The following SOS2 variants were observed in gnomAD, a reference collection of about 807,000 sequenced individuals.
SOS2 encodes son of sevenless homolog 2.
A neutral mutation model predicts 148.2 loss-of-function variants in SOS2; 65 were observed. The ratio of observed to expected loss-of-function variants is 0.44; its 90% confidence interval spans 0.36 to 0.54. The LOEUF (loss-of-function observed/expected upper bound fraction) is 0.54, where lower values mean the gene tolerates loss of function less well. SOS2 is among the 20% of genes least tolerant of loss of function. The pLI, the probability that SOS2 is intolerant of heterozygous loss-of-function variation, is 0.00. For synonymous variants in SOS2, 539 were observed against 537.1 expected (o/e 1.00, Z -0.05); for missense variants, 1,341 against 1,590.2 (o/e 0.84, Z 2.67).
intron 4 of SOS2, among the ~76,000 whole-genome samples, chr14:50,198,379 T>C (rs1049543071): frequency 6.6e-6 from 1 of 152,180 alleles, no homozygotes; most frequent in Non-Finnish European, 1.5e-5. Flanking sequence ...TAGCCATAAT[T>C]TTGTAAGTCA....
At chr14:50,168,818 C>T (rs1040038055) in intron 8 of SOS2, among the ~76,000 whole-genome samples, 2 of 152,130 alleles carry the variant, frequency 1.3e-5, no homozygotes, top group Non-Finnish European at 2.9e-5. Context: ...TAGTAGAAAA[C>T]ACAATCCTGG....
At chr14:50,135,626 T>C (rs1239870966) in intron 18 of SOS2, among the ~76,000 whole-genome samples, 1 of 146,958 alleles carries the variant, frequency 6.8e-6, no homozygotes, top group African/African-American at 2.5e-5. Flanking sequence ...CAATTAACTT[T>C]TTTCAATGTG....
intron 5 of SOS2, among the ~76,000 whole-genome samples, chr14:50,182,877 A>G (rs1323698392): frequency 1.3e-5 from 2 of 152,178 alleles, no homozygotes; most frequent in Non-Finnish European, 2.9e-5. Context: ...CACCAAATAC[A>G]TCATTTAATT....
At chr14:50,124,016 G>A (rs1289662504) in intron 21 of SOS2, among the ~76,000 whole-genome samples, 1 of 152,076 alleles carries the variant, frequency 6.6e-6, no homozygotes, top group East Asian at 1.9e-4. Context: ...TGGAGATGAG[G>A]AGGCAGTGAG....
rs1248781588 is a variant in SOS2, at chr14:50,169,814, C to G, written c.1068+4640G>C. On this transcript the variant is annotated intron_variant, in intron 8 of 22. Coordinates refer to ENST00000216373, the MANE Select transcript of SOS2 (RefSeq NM_006939.4). ...CATGGCAGATATATAGAATATATAT[C>G]TATAATATATTCACTTTATAGATAA... Among the ~76,000 whole-genome samples the G allele has an allele frequency of 9.9e-5, 15 of 151,734 alleles. 2 individuals are homozygous for G. Among genetic ancestry groups the G allele is most frequent in the Admixed American group, 9.2e-4 (14 of 15,210 alleles).
chr14:50,205,734 C>A (rs1444068222), intron 1 of SOS2, among the ~76,000 whole-genome samples: 1 of 152,012 alleles, frequency 6.6e-6, no homozygotes, highest in Non-Finnish European at 1.5e-5. Flanking sequence ...AAGTTTGAGA[C>A]CAGCCTGGCC....
intron 3 of SOS2, 43 bp downstream of exon 3, chr14:50,200,910 G>A: frequency 6.3e-7 from 1 of 1,578,164 alleles, no homozygotes; most frequent in African/African-American, 1.4e-5. Context: ...AATATTACTT[G>A]TTATAAAGAA....
At chr14:50,158,312 T>C (rs987727733) in intron 11 of SOS2, among the ~76,000 whole-genome samples, 3 of 152,238 alleles carry the variant, frequency 2.0e-5, no homozygotes, top group South Asian at 2.1e-4. Context: ...TTCATTAAAA[T>C]ATAGTGCTTT....
intron 1 of SOS2, among the ~76,000 whole-genome samples, chr14:50,225,660 G>A (rs1001241102): frequency 1.3e-5 from 2 of 152,122 alleles, no homozygotes; most frequent in South Asian, 2.1e-4. Context: ...TGACTCCCTC[G>A]AGTTCTACTG....
intron 14 of SOS2, among the ~76,000 whole-genome samples, chr14:50,148,152 C>CTACA (rs1884550228): frequency 6.6e-6 from 1 of 152,122 alleles, no homozygotes; most frequent in African/African-American, 2.4e-5. Flanking sequence ...TGGCTCATGC[C>CTACA]TGTAATCCCA....
chr14:50,230,839 G>C, intron 1 of SOS2: 1 of 979,124 alleles, frequency 1.0e-6, no homozygotes, highest in South Asian at 4.8e-5. Context: ...TAATTACCCG[G>C]CCTGAAAATG....
At chr14:50,175,367 A>T (rs912207780) in intron 7 of SOS2, among the ~76,000 whole-genome samples, 1 of 151,374 alleles carries the variant, frequency 6.6e-6, no homozygotes, top group East Asian at 1.9e-4. Context: ...TCATCCCCCT[A>T]TAACATTCTT....
rs572012553 is a variant in SOS2, at chr14:50,157,487, A to G, written c.1935-366T>C. On this transcript the variant is annotated intron_variant, in intron 11 of 22. Coordinates refer to ENST00000216373, the MANE Select transcript of SOS2 (RefSeq NM_006939.4). The stretch of plus-strand genomic sequence containing the variant: ...GTAGGCTAATAAATTTATTTAAATG[A>G]GTACAAATTCAAAGAGAGGGCCAAA... Among the ~76,000 whole-genome samples the G allele has an allele frequency of 7.2e-5, 11 of 152,274 alleles. No homozygotes were observed. The South Asian group carries it at 2.3e-3, about 32-fold the overall frequency.
At chr14:50,217,695 G>A (rs942634839) in intron 1 of SOS2, among the ~76,000 whole-genome samples, 3 of 152,268 alleles carry the variant, frequency 2.0e-5, no homozygotes, top group Middle Eastern at 3.4e-3. Context: ...GGTGGCTCAC[G>A]CCTGTAATCC....
chr14:50,176,505 G>T (rs531030078), intron 7 of SOS2, among the ~76,000 whole-genome samples: 1 of 152,258 alleles, frequency 6.6e-6, no homozygotes, highest in Admixed American at 6.5e-5. Flanking sequence ...TAAAATTTTT[G>T]TAGCATGTAT....
chr14:50,155,769 A>T (rs1374565881), intron 12 of SOS2: 2 of 152,304 alleles, frequency 1.3e-5, no homozygotes, highest in Non-Finnish European at 2.9e-5. Flanking sequence ...TAAAGAGCTT[A>T]TATGACTGAG....
chr14:50,142,788 A>G (rs1054943071), intron 16 of SOS2, among the ~76,000 whole-genome samples: 2 of 152,230 alleles, frequency 1.3e-5, no homozygotes, highest in Admixed American at 6.5e-5. Flanking sequence ...CTTTGTACAT[A>G]TAACTTTATA....
chr14:50,221,135 G>A (rs758687665), intron 1 of SOS2, among the ~76,000 whole-genome samples: 52 of 152,144 alleles, frequency 3.4e-4, no homozygotes, highest in Admixed American at 8.5e-4. Flanking sequence ...ATGATCATTC[G>A]CTCATTTATT....
chr14:50,223,033 T>C (rs953256182), intron 1 of SOS2, among the ~76,000 whole-genome samples: 17 of 152,152 alleles, frequency 1.1e-4, no homozygotes, highest in Non-Finnish European at 1.9e-4. Context: ...ACTAAATATA[T>C]AGTTTGAGGT....
Sources: allele counts gnomAD v4.1 joint callset (sites outside exome capture counted in the v4.1 genomes callset), GRCh38; gene constraint gnomAD v4.1.1; transcripts MANE v1.5; gene names NCBI Gene and HGNC (gene_info 2026-07-23, HGNC 2026-07-21).